CTNNA3: variants seen among roughly 807,000 people sequenced by gnomAD.
CTNNA3 encodes the protein catenin alpha 3, also known as catenin alpha-3.
CTNNA3 carries 76 observed loss-of-function variants against 95.7 expected under a neutral mutation model. That is an observed-to-expected ratio of 0.79 (90% CI 0.66 to 0.96). The LOEUF (loss-of-function observed/expected upper bound fraction) is 0.96, where lower values mean the gene tolerates loss of function less well. Ranked by LOEUF, CTNNA3 falls within the 40% of genes least tolerant of loss-of-function variation. CTNNA3 has a pLI of 0.00. For missense variants in CTNNA3, 1,191 were observed against 1,089.8 expected (o/e 1.09, Z -1.31); for synonymous variants, 431 against 374.4 (o/e 1.15, Z -1.74).
At chr10:66,215,445 C>T (rs1272872406) in intron 13 of CTNNA3, among the ~76,000 whole-genome samples, 1 of 152,112 alleles carries the variant, frequency 6.6e-6, no homozygotes, top group Non-Finnish European at 1.5e-5. Flanking sequence ...GGAAACTACC[C>T]ACTTCTGGTA....
rs76368668 is a variant in CTNNA3 at position 67,484,758 on chromosome 10, C to T, written c.579+37084G>A. Among the ~76,000 whole-genome samples the T allele has an allele frequency of 4.9e-4, 75 of 152,052 alleles. 1 individual carries two copies. The East Asian group carries it at 0.014, about 29-fold the overall frequency. ...AAAATAAAACCACAATGGGACACCA[C>T]CTCACAGAATGGCTATTATGAAAAA... On this transcript the variant is annotated intron_variant, in intron 5 of 17. Transcript: ENST00000433211.
chr10:66,387,015 C>A (rs186941028), intron 11 of CTNNA3, among the ~76,000 whole-genome samples: 1,638 of 152,198 alleles, frequency 0.011, 21 homozygotes, highest in Middle Eastern at 0.027. Context: ...CTAGGCAATA[C>A]CATTCAGGAC....
intron 3 of CTNNA3, among the ~76,000 whole-genome samples, chr10:67,596,401 A>G (rs1166115736): frequency 6.6e-6 from 1 of 152,284 alleles, no homozygotes; most frequent in East Asian, 1.9e-4. Flanking sequence ...TATTGTTCCA[A>G]TGATGGAACA....
chr10:67,126,901 A>G (rs1002394420), intron 7 of CTNNA3, among the ~76,000 whole-genome samples: 1 of 149,904 alleles, frequency 6.7e-6, no homozygotes, highest in African/African-American at 2.5e-5. Context: ...GAACCAAACT[A>G]TGCACTGTTT....
chr10:67,420,729 A>G (rs1253306631), intron 5 of CTNNA3, among the ~76,000 whole-genome samples: 1 of 151,938 alleles, frequency 6.6e-6, no homozygotes, highest in African/African-American at 2.4e-5. Flanking sequence ...TATTATCTTC[A>G]GTTATATTTC....
chr10:67,402,135 C>A (rs1183140889), intron 5 of CTNNA3, among the ~76,000 whole-genome samples: 1 of 152,052 alleles, frequency 6.6e-6, no homozygotes, highest in African/African-American at 2.4e-5. Flanking sequence ...ATATGGATGG[C>A]AAAGAAGCTC....
intron 7 of CTNNA3, among the ~76,000 whole-genome samples, chr10:67,165,006 G>C (rs1861698481): frequency 6.6e-6 from 1 of 152,026 alleles, no homozygotes; most frequent in Non-Finnish European, 1.5e-5. Flanking sequence ...CACACTTGTG[G>C]GTGTTTCTCT....
At position 66,727,444 on chromosome 10, in the gene CTNNA3, A is replaced by T. The variant is rs547964587; in HGVS notation, c.1281+38820T>A. On this transcript the variant is annotated intron_variant, in intron 9 of 17. Coordinates refer to ENST00000433211, the MANE Select transcript of CTNNA3 (RefSeq NM_013266.4). ...ATAATATTGGTAAAACTCAATGCAG[A>T]TCATATTTCATTAAACAAGAACATC... Among the ~76,000 whole-genome samples, 45 of 152,250 alleles carry T rather than the reference A, an allele frequency of 3.0e-4. 1 individual carries two copies. Among genetic ancestry groups the T allele is most frequent in the Middle Eastern group, 6.8e-3 (2 of 292 alleles).
intron 1 of CTNNA3, among the ~76,000 whole-genome samples, chr10:67,655,508 G>A (rs528243441): frequency 6.6e-4 from 100 of 152,218 alleles, no homozygotes; most frequent in Non-Finnish European, 1.0e-3. Context: ...TCTTGAGGTC[G>A]CGTGCGGTGG....
In CTNNA3 at chr10:67,423,237, A is replaced by G. The variant is rs117176680; in HGVS notation, c.579+98605T>C. ...GCACTCTGCCCTTTCATCACTTCAT[A>G]TGACTATAAATGCTGTCAATATTTT... On this transcript the variant is annotated intron_variant, in intron 5 of 17. Transcript: ENST00000433211. 7.5e-3 allele frequency among the ~76,000 whole-genome samples: 1,146 copies of G among 152,176 alleles called. 8 individuals carry two copies. The highest frequency in any genetic ancestry group is 8.8e-3 in the Non-Finnish European group (601 of 67,986).
chr10:66,529,447 T>A (rs10997218), intron 10 of CTNNA3, among the ~76,000 whole-genome samples: 1 of 82,190 alleles, frequency 1.2e-5, no homozygotes, highest in African/African-American at 3.9e-5. Context: ...GTGTTTTTTT[T>A]TTGTTTTTTT....
chr10:65,958,850 T>A (rs974226832), intron 17 of CTNNA3, among the ~76,000 whole-genome samples: 12 of 152,194 alleles, frequency 7.9e-5, no homozygotes, highest in Admixed American at 6.5e-4. Context: ...AGAGACCCAC[T>A]TGAGGAGGCA....
At chr10:66,410,436 T>C (rs1346349317) in intron 11 of CTNNA3, among the ~76,000 whole-genome samples, 6 of 152,142 alleles carry the variant, frequency 3.9e-5, no homozygotes, top group Non-Finnish European at 5.9e-5. Flanking sequence ...CAGTACCAAA[T>C]AAAGAGTATG....
intron 5 of CTNNA3, among the ~76,000 whole-genome samples, chr10:67,246,128 G>A (rs1054235672): frequency 1.3e-5 from 2 of 152,188 alleles, no homozygotes; most frequent in African/African-American, 4.8e-5. Context: ...TAGATGGCAA[G>A]TTGTATTTAA....
At position 67,442,146 on chromosome 10, in the gene CTNNA3, T is replaced by C. The variant is rs144506319; in HGVS notation, c.579+79696A>G. Reference sequence around the variant, plus strand: ...TGTTTATGCAATCAGTGTTAAGTTGTTATCAGTGTAAAATAACGGGTTATA... The same window carrying C: ...TGTTTATGCAATCAGTGTTAAGTTGCTATCAGTGTAAAATAACGGGTTATA... On this transcript the variant is annotated intron_variant, in intron 5 of 17. Transcript: ENST00000433211. 2.6e-5 allele frequency among the ~76,000 whole-genome samples: 4 copies of C among 152,272 alleles called. No homozygotes were observed. The East Asian group carries it at 5.8e-4, about 22-fold the overall frequency.
chr10:66,990,357 A>C (rs1336248425), intron 7 of CTNNA3, among the ~76,000 whole-genome samples: 2 of 152,170 alleles, frequency 1.3e-5, no homozygotes, highest in Non-Finnish European at 2.9e-5. Flanking sequence ...CTCTATGCTG[A>C]ATTAACCACA....
At position 66,705,824 on chromosome 10, in the gene CTNNA3, C is replaced by A. The variant is rs377020160; in HGVS notation, c.1281+60440G>T. Among the ~76,000 whole-genome samples, 52 of 152,116 alleles carry A rather than the reference C, an allele frequency of 3.4e-4. 2 individuals carry two copies. The South Asian group carries it at 1.0e-2, about 29-fold the overall frequency. ...TTTTTGTCTTAGGCTTTATTCATTTCTAGCCCAACTATATCTTCCTACCTC... is the reference window on the plus strand; with the variant it reads ...TTTTTGTCTTAGGCTTTATTCATTTATAGCCCAACTATATCTTCCTACCTC... On this transcript the variant is annotated intron_variant, in intron 9 of 17. Coordinates refer to ENST00000433211, the MANE Select transcript of CTNNA3 (RefSeq NM_013266.4).
rs1216142458 is a variant in CTNNA3, at chr10:65,917,816, G to A, written c.*2514C>T. 6.7e-6 allele frequency: 1 copy of A among 150,320 alleles called. No homozygotes were observed. Among genetic ancestry groups the A allele is most frequent in the African/African-American group, 2.4e-5 (1 of 40,912 alleles). 9.3% of individuals were successfully genotyped at this position (150,320 alleles called of 1,614,324 possible). ...ATGCTGATTAGTTTTTAACATAATG[G>A]GGAGATTTATTCATATCTTGCTGCT... On this transcript the variant is annotated 3_prime_UTR_variant, in exon 18 of 18. Coordinates refer to ENST00000433211, the MANE Select transcript of CTNNA3 (RefSeq NM_013266.4).
intron 5 of CTNNA3, among the ~76,000 whole-genome samples, chr10:67,321,437 C>T (rs927022839): frequency 1.3e-5 from 2 of 152,168 alleles, no homozygotes; most frequent in Non-Finnish European, 2.9e-5. Flanking sequence ...TTAAACAGCC[C>T]GTATCTTCAG....
Sources: allele counts gnomAD v4.1 joint callset (sites outside exome capture counted in the v4.1 genomes callset), GRCh38; gene constraint gnomAD v4.1.1; transcripts MANE v1.5; gene names NCBI Gene and HGNC (gene_info 2026-07-23, HGNC 2026-07-21).